The following ODAD2 variants were observed in gnomAD, a reference collection of about 807,000 sequenced individuals.
The protein encoded by ODAD2 is outer dynein arm docking complex subunit 2, also known as outer dynein arm-docking complex subunit 2.
ODAD2 carries 89 observed loss-of-function variants against 106.8 expected under a neutral mutation model. The ratio of observed to expected loss-of-function variants is 0.83; its 90% CI spans 0.70 to 0.99. ODAD2 has a LOEUF of 0.99. Among genes scored for constraint, ODAD2 ranks in the 50% least tolerant of loss-of-function variants. ODAD2 has a pLI of 0.00. For synonymous variants in ODAD2, 404 were observed against 436.2 expected, an observed-to-expected ratio of 0.93 and a Z score of 0.92; for missense variants, 1,168 against 1,238.5, an observed-to-expected ratio of 0.94 and a Z score of 0.85.
At chr10:27,955,429 C>T (rs914699731) in intron 10 of ODAD2, among the ~76,000 whole-genome samples, 5 of 152,020 alleles carry the variant, frequency 3.3e-5, no homozygotes, top group African/African-American at 1.2e-4. Flanking sequence ...GACAGTGGAA[C>T]CAAACAACCA....
chr10:27,986,442 T>C (rs1564579770), intron 3 of ODAD2, among the ~76,000 whole-genome samples: 1 of 152,190 alleles, frequency 6.6e-6, no homozygotes, highest in Non-Finnish European at 1.5e-5. Flanking sequence ...TTGAGTTGAA[T>C]TGAATGAATA....
At chr10:27,916,063 G>C (rs1844350523) in intron 16 of ODAD2, among the ~76,000 whole-genome samples, 1 of 152,150 alleles carries the variant, frequency 6.6e-6, no homozygotes, top group Non-Finnish European at 1.5e-5. Flanking sequence ...GCAATCTTTA[G>C]TGGTGCAACC....
chr10:27,888,856 C>T (rs1842392981), intron 17 of ODAD2, among the ~76,000 whole-genome samples: 1 of 152,126 alleles, frequency 6.6e-6, no homozygotes, highest in African/African-American at 2.4e-5. Flanking sequence ...GTTGGATGTT[C>T]ACATGCAAAA....
intron 18 of ODAD2, 38 bp from the exon 19 acceptor site, chr10:27,860,884 A>G (rs1447591532): frequency 6.4e-7 from 1 of 1,554,540 alleles, no homozygotes; most frequent in Non-Finnish European, 8.9e-7. Flanking sequence ...TGTGCATTGT[A>G]ATGACCCTGC....
At chr10:27,816,262 T>G (rs909021068) in intron 19 of ODAD2, among the ~76,000 whole-genome samples, 5 of 152,204 alleles carry the variant, frequency 3.3e-5, no homozygotes, top group African/African-American at 1.2e-4. Flanking sequence ...ATTGTGAAAT[T>G]CACTAATAAG....
chr10:27,891,712 A>G (rs1842576797), intron 17 of ODAD2, among the ~76,000 whole-genome samples: 1 of 152,152 alleles, frequency 6.6e-6, no homozygotes, highest in Non-Finnish European at 1.5e-5. Context: ...GAAAGGAAGC[A>G]GAATTAAGGA....
chr10:27,849,038 C>A (rs1472673681), intron 19 of ODAD2, among the ~76,000 whole-genome samples: 2 of 152,138 alleles, frequency 1.3e-5, no homozygotes, highest in African/African-American at 2.4e-5. Context: ...TTGACCCAGC[C>A]ATCCCATTAC....
At chr10:27,983,316 G>C (rs1272468122) in intron 6 of ODAD2, among the ~76,000 whole-genome samples, 1 of 152,182 alleles carries the variant, frequency 6.6e-6, no homozygotes, top group Non-Finnish European at 1.5e-5. Flanking sequence ...CCACTCTTCA[G>C]AGATCTGGAG....
intron 10 of ODAD2, among the ~76,000 whole-genome samples, chr10:27,949,176 C>T (rs1172536696): frequency 6.6e-6 from 1 of 152,072 alleles, no homozygotes; most frequent in Non-Finnish European, 1.5e-5. Context: ...TGTGTTATTT[C>T]ATTCAACAAA....
At chr10:27,958,542 C>T (rs1294690847) in intron 10 of ODAD2, among the ~76,000 whole-genome samples, 1 of 152,056 alleles carries the variant, frequency 6.6e-6, no homozygotes, top group East Asian at 1.9e-4. Flanking sequence ...AGAGACTTTC[C>T]CTCCCTGTAT....
chr10:27,983,769 A>T, intron 6 of ODAD2, 74 bp downstream of exon 6: 2 of 1,397,384 alleles, frequency 1.4e-6, no homozygotes, highest in Non-Finnish European at 2.0e-6. Context: ...GGTCATTGGG[A>T]CACACCCTTG....
At chr10:27,839,825 G>A (rs1838178363) in intron 19 of ODAD2, among the ~76,000 whole-genome samples, 1 of 152,186 alleles carries the variant, frequency 6.6e-6, no homozygotes, top group Non-Finnish European at 1.5e-5. Context: ...AATGGTGAAG[G>A]AGCGTATCTT....
At chr10:27,914,549 A>T (rs1844231573) in intron 16 of ODAD2, among the ~76,000 whole-genome samples, 1 of 152,064 alleles carries the variant, frequency 6.6e-6, no homozygotes, top group Non-Finnish European at 1.5e-5. Context: ...CATTAACTAG[A>T]GCTCAATTAC....
At chr10:27,922,092 A>G (rs1359656755) in intron 16 of ODAD2, among the ~76,000 whole-genome samples, 1 of 150,202 alleles carries the variant, frequency 6.7e-6, no homozygotes, top group Non-Finnish European at 1.5e-5. Context: ...TCTTGAGCCC[A>G]GAAGGTCAAG....
intron 12 of ODAD2, among the ~76,000 whole-genome samples, chr10:27,942,574 C>T (rs1265230298): frequency 2.0e-5 from 3 of 152,184 alleles, no homozygotes; most frequent in African/African-American, 7.2e-5. Context: ...TTTTATGTTA[C>T]ATTATCCATT....
chr10:27,898,213 G>A (rs1378184640), intron 17 of ODAD2, among the ~76,000 whole-genome samples: 1 of 151,892 alleles, frequency 6.6e-6, no homozygotes, highest in Non-Finnish European at 1.5e-5. Context: ...CCTTTTTTAG[G>A]AAAGGGAAAG....
intron 16 of ODAD2, among the ~76,000 whole-genome samples, chr10:27,915,422 G>A (rs1035217785): frequency 1.3e-4 from 20 of 152,074 alleles, no homozygotes; most frequent in African/African-American, 4.3e-4. Flanking sequence ...GGTAGAAGGG[G>A]CAAAGGAGCT....
intron 19 of ODAD2, among the ~76,000 whole-genome samples, chr10:27,848,093 A>G (rs1437469166): frequency 1.3e-5 from 2 of 152,206 alleles, no homozygotes; most frequent in African/African-American, 4.8e-5. Flanking sequence ...TATGGAACCA[A>G]AAAAGAGCCC....
intron 19 of ODAD2, among the ~76,000 whole-genome samples, chr10:27,839,398 G>T (rs979247709): frequency 6.6e-6 from 1 of 152,174 alleles, no homozygotes; most frequent in Admixed American, 6.5e-5. Context: ...TTTGTTTTCA[G>T]ATTTTATTAG....
Sources: allele counts gnomAD v4.1 joint callset (sites outside exome capture counted in the v4.1 genomes callset), GRCh38; gene constraint gnomAD v4.1.1; transcripts MANE v1.5; gene names NCBI Gene and HGNC (gene_info 2026-07-23, HGNC 2026-07-21).